Variants in CALN1 observed in about 807,000 individuals in gnomAD.
The protein encoded by CALN1 is calcium-binding protein 8.
In CALN1, 17 loss-of-function variants were observed where a neutral mutation model predicts 30.6. The ratio of observed to expected loss-of-function variants is 0.56; its 90% confidence interval spans 0.38 to 0.83. CALN1 has a LOEUF of 0.83. Ranked by LOEUF, CALN1 falls within the 40% of genes least tolerant of loss-of-function variation. CALN1 has a pLI of 0.00. For missense variants in CALN1, 291 were observed against 354.9 expected, an observed-to-expected ratio of 0.82 and a Z score of 1.45; for synonymous variants, 156 against 131.4, an observed-to-expected ratio of 1.19 and a Z score of -1.28.
At chr7:72,411,660 A>T (rs73133138) in intron 1 of CALN1, among the ~76,000 whole-genome samples, 2,739 of 152,344 alleles carry the variant, frequency 0.018, 39 homozygotes, top group Non-Finnish European at 0.031. Flanking sequence ...TGTCAGGCCT[A>T]AAAGTGGATA....
chr7:72,439,793 G>A (rs1029033331), intron 1 of CALN1, among the ~76,000 whole-genome samples: 6 of 151,916 alleles, frequency 3.9e-5, no homozygotes, highest in Admixed American at 3.3e-4. Context: ...TGGCCAGGCT[G>A]GTCTTGAACT....
At chr7:72,486,616 G>A in the CALN1 span, among the ~76,000 whole-genome samples, 5 of 151,736 alleles carry the variant, frequency 3.3e-5, no homozygotes, top group Admixed American at 6.6e-5. Flanking sequence ...CAAGTAATCC[G>A]CCTGCCTTGG....
chr7:72,101,920 C>A (rs1446989454), intron 4 of CALN1, among the ~76,000 whole-genome samples: 1 of 152,152 alleles, frequency 6.6e-6, no homozygotes, highest in Non-Finnish European at 1.5e-5. Context: ...AACAAAGAGG[C>A]CTCCTTCCTG....
intron 3 of CALN1, among the ~76,000 whole-genome samples, chr7:72,138,500 G>C (rs1809661165): frequency 6.6e-6 from 1 of 152,146 alleles, no homozygotes; most frequent in African/African-American, 2.4e-5. Flanking sequence ...GATTCCTCGG[G>C]AAACTCTTTT....
At chr7:71,930,079 A>G (rs1795469922) in intron 5 of CALN1, among the ~76,000 whole-genome samples, 1 of 152,226 alleles carries the variant, frequency 6.6e-6, no homozygotes, top group South Asian at 2.1e-4. Flanking sequence ...TGTTATGTAA[A>G]TAGTTGTTAT....
chr7:72,138,049 CA>C (rs910413265), intron 3 of CALN1, among the ~76,000 whole-genome samples: 4 of 152,046 alleles, frequency 2.6e-5, no homozygotes, highest in Non-Finnish European at 1.5e-5. Flanking sequence ...TATGGGATGG[CA>C]ACTTAATTAT....
intron 5 of CALN1, among the ~76,000 whole-genome samples, chr7:71,878,410 A>AC (rs1219460640): frequency 6.6e-6 from 1 of 151,992 alleles, no homozygotes; most frequent in Non-Finnish European, 1.5e-5. Flanking sequence ...TCAAAAAAAA[A>AC]AAAAAGTATA....
intron 3 of CALN1, among the ~76,000 whole-genome samples, chr7:72,269,937 G>C (rs937902096): frequency 2.0e-5 from 3 of 152,086 alleles, no homozygotes; most frequent in Middle Eastern, 3.4e-3. Context: ...TATATTCAGA[G>C]AATTAAAGAA....
chr7:72,004,685 GAACAAAACAA>G (rs200604932), intron 5 of CALN1, among the ~76,000 whole-genome samples: 521 of 150,988 alleles, frequency 3.5e-3, no homozygotes, highest in African/African-American at 0.011. Flanking sequence ...CAAAACTCAA[GAACAAAACAA>G]AACAAAACAA....
intron 3 of CALN1, among the ~76,000 whole-genome samples, chr7:72,172,956 T>C (rs1274783128): frequency 6.6e-6 from 1 of 152,032 alleles, no homozygotes; most frequent in Non-Finnish European, 1.5e-5. Context: ...GTCTTAGCCA[T>C]TGCAATAAGG....
intron 3 of CALN1, among the ~76,000 whole-genome samples, chr7:72,128,161 G>T (rs1006483865): frequency 6.6e-6 from 1 of 152,098 alleles, no homozygotes; most frequent in Admixed American, 6.6e-5. Context: ...CATATTAAAA[G>T]ATATTTATTA....
chr7:72,498,841 C>G, the CALN1 span, among the ~76,000 whole-genome samples: 1 of 151,676 alleles, frequency 6.6e-6, no homozygotes, highest in East Asian at 1.9e-4. Flanking sequence ...AATTTAGGTA[C>G]TTTTTTTAAT....
At chr7:72,103,736 G>A (rs1806869972) in intron 4 of CALN1, among the ~76,000 whole-genome samples, 1 of 151,970 alleles carries the variant, frequency 6.6e-6, no homozygotes, top group South Asian at 2.1e-4. Flanking sequence ...TCATTTCTCT[G>A]AAGCTTTGGA....
At chr7:72,393,498 C>T (rs1236464011) in intron 2 of CALN1, among the ~76,000 whole-genome samples, 4 of 152,068 alleles carry the variant, frequency 2.6e-5, no homozygotes, top group Non-Finnish European at 5.9e-5. Context: ...TAGCATTCTA[C>T]ACCATAACAT....
At chr7:72,487,889 GAAAA>G in the CALN1 span, among the ~76,000 whole-genome samples, 2 of 51,968 alleles carry the variant, frequency 3.8e-5, no homozygotes, top group African/African-American at 1.8e-4. Flanking sequence ...AGAAAGAAAA[GAAAA>G]GAAAGAAAGA....
intron 3 of CALN1, among the ~76,000 whole-genome samples, chr7:72,146,599 C>T (rs1786752599): frequency 1.3e-5 from 2 of 152,194 alleles, no homozygotes; most frequent in East Asian, 1.9e-4. Flanking sequence ...ACTTTCTTCA[C>T]AGAATTGGAA....
intron 5 of CALN1, among the ~76,000 whole-genome samples, chr7:71,854,321 G>C (rs887654770): frequency 6.6e-6 from 1 of 151,602 alleles, no homozygotes; most frequent in Admixed American, 6.6e-5. Flanking sequence ...CTCGGTGACA[G>C]AGCAAGACTC....
chr7:72,426,171 T>C (rs527244630), intron 1 of CALN1, among the ~76,000 whole-genome samples: 7 of 152,334 alleles, frequency 4.6e-5, no homozygotes, highest in African/African-American at 1.7e-4. Flanking sequence ...GAGCCTCACC[T>C]GGATGAAGGG....
chr7:72,059,007 T>C (rs1413184755), intron 4 of CALN1, among the ~76,000 whole-genome samples: 1 of 152,212 alleles, frequency 6.6e-6, no homozygotes. Flanking sequence ...ATGTTATGCT[T>C]CCTGGATTGT....
Sources: allele counts gnomAD v4.1 joint callset (sites outside exome capture counted in the v4.1 genomes callset), GRCh38; gene constraint gnomAD v4.1.1; transcripts MANE v1.5; gene names NCBI Gene and HGNC (gene_info 2026-07-23, HGNC 2026-07-21).